Variants in ANKRD37 observed in about 807,000 individuals in gnomAD.
ANKRD37 encodes ankyrin repeat domain 37, also known as ankyrin repeat domain-containing protein 37.
Under a neutral mutation model 19.7 loss-of-function variants are expected in ANKRD37, and 17 were observed. The ratio of observed to expected loss-of-function variants is 0.86; its 90% confidence interval spans 0.59 to 1.29. The LOEUF (loss-of-function observed/expected upper bound fraction) is 1.29. Among genes scored for constraint, ANKRD37 ranks in the 50% most tolerant of loss-of-function variants. The probability of loss-of-function intolerance (pLI) is 0.00; values close to 1 mark genes in which losing one functional copy is unlikely to be tolerated. For missense variants in ANKRD37, 207 were observed against 190.4 expected (o/e 1.09, Z -0.51); for synonymous variants, 79 against 74.5 (o/e 1.06, Z -0.31).
In ANKRD37 at chr4:185,400,053, T is replaced by C. The variant is rs1273355626; in HGVS notation, c.*36T>C. 1 of 1,549,954 alleles carries C rather than the reference T, an allele frequency of 6.5e-7. No individual in the cohort carries two copies. The highest frequency in any genetic ancestry group is 8.8e-7 in the Non-Finnish European group (1 of 1,130,254). The stretch of plus-strand genomic sequence containing the variant: ...GTTATGAAGAAGTCTGAAGAACGCC[T>C]TCATTTCATGCAAATCTATAAGCTC... On this transcript the variant is annotated 3_prime_UTR_variant, in exon 5 of 5. Coordinates refer to ENST00000335174, the MANE Select transcript of ANKRD37 (RefSeq NM_181726.4).
chr4:185,396,843 G>A lies in ANKRD37; in HGVS notation c.-81G>A, dbSNP rs746896112. ...TTCTCCCGTGCTAGGGCCAGCCTGCGCATTCTTACCTGTCGGGGTGCGGCG... is the reference window on the plus strand; with the variant it reads ...TTCTCCCGTGCTAGGGCCAGCCTGCACATTCTTACCTGTCGGGGTGCGGCG... On this transcript the variant is annotated 5_prime_UTR_variant, in exon 1 of 5. Transcript: ENST00000335174. The A allele has an allele frequency of 2.7e-6, 4 of 1,463,732 alleles. 1 individual carries two copies. Among genetic ancestry groups the A allele is most frequent in the East Asian group, 2.3e-5 (1 of 44,214 alleles). The allele number at this position is 1,463,732 out of a possible 1,614,324, so 90.7% of individuals were successfully genotyped here. A position where few individuals can be genotyped will look rare whatever the true frequency, so the allele number is the denominator to read the frequency against.
chr4:185,399,607 G>A lies in ANKRD37; in HGVS notation c.310G>A (p.Ala104Thr), dbSNP rs375912914. ...NKNGQTAEDL[A>T]WSCGFPDCAK... The stretch of plus-strand genomic sequence containing the variant: ...GAACGGGCAAACAGCTGAAGATCTC[G>A]CTTGGTCATGTGGATTTCCAGACTG... Residue 104 changes from alanine to threonine, a missense_variant, in exon 4 of 5, where the codon GCT becomes ACT. Ala to Thr is a moderately conservative substitution (Grantham distance 58). Transcript: ENST00000335174. The A allele has an allele frequency of 2.5e-5, 40 of 1,614,134 alleles. No individual in the cohort carries two copies. In the East Asian group the frequency reaches 3.6e-4, roughly 14 times the overall value.
At chr4:185,399,907 G>GTT in intron 4 of ANKRD37, 110 bp from the exon 5 acceptor site, 2 of 1,543,442 alleles carry the variant, frequency 1.3e-6, no homozygotes, top group Non-Finnish European at 1.7e-6. Context: ...TTTAGTACTG[G>GTT]TTATACTTAC....
chr4:185,398,877 T>C, intron 2 of ANKRD37, 60 bp from the exon 3 acceptor site: 1 of 1,229,400 alleles, frequency 8.1e-7, no homozygotes, highest in South Asian at 1.2e-5. Flanking sequence ...TAAATGTCAC[T>C]CATCAACTTT....
intron 3 of ANKRD37, among the ~76,000 whole-genome samples, chr4:185,399,336 TA>T (rs2095510247): frequency 1.3e-5 from 2 of 152,206 alleles, no homozygotes; most frequent in Non-Finnish European, 2.9e-5. Flanking sequence ...TCATACACTG[TA>T]TTAAACATCA....
Position 185,397,294 on chromosome 4 carries a change from A to T in ANKRD37, c.172A>T (p.Asn58Tyr). 6.2e-7 allele frequency: 1 copy of T among 1,613,874 alleles called. No individual in the cohort carries two copies. Among genetic ancestry groups the T allele is most frequent in the Non-Finnish European group, 8.5e-7 (1 of 1,179,964 alleles). ...GCAGCTGCAAACGGGCGCTGACCTC[A>T]ACCAGCAGGTAACTAGGTAACTGTT... ...LWQLQTGADL[N>Y]QQDVLGEAPL... The change falls in exon 2 of 5, where the codon AAC becomes TAC. Residue 58 changes from asparagine (N) to tyrosine (Y), a missense_variant. Physicochemically the swap from Asn to Tyr is moderately radical, Grantham distance 143. Coordinates refer to ENST00000335174, the MANE Select transcript of ANKRD37 (RefSeq NM_181726.4).
chr4:185,399,851 A>G, intron 4 of ANKRD37, 78 bp downstream of exon 4: 1 of 1,582,192 alleles, frequency 6.3e-7, no homozygotes, highest in Non-Finnish European at 8.6e-7. Context: ...TCCATTTAAT[A>G]CTGACACTCG....
chr4:185,397,059 C>T, intron 1 of ANKRD37, 91 bp from the exon 2 acceptor site: 2 of 1,609,886 alleles, frequency 1.2e-6, no homozygotes, highest in Non-Finnish European at 1.7e-6. Context: ...CTGGTCAGAG[C>T]TGGTTGTGAA....
downstream of ANKRD37, chr4:185,400,391 T>G: frequency 6.2e-7 from 1 of 1,610,294 alleles, no homozygotes; most frequent in South Asian, 1.1e-5. Flanking sequence ...TCCAAGATAT[T>G]TTAAATCATA....
At chr4:185,399,106 G>A in intron 3 of ANKRD37, 78 bp downstream of exon 3, 1 of 1,225,094 alleles carries the variant, frequency 8.2e-7, no homozygotes, top group Non-Finnish European at 1.2e-6. Flanking sequence ...TTAGTTACAT[G>A]TGCTTTTAAA....
At chr4:185,398,880 T>C (rs2095509480) in intron 2 of ANKRD37, 57 bp from the exon 3 acceptor site, 2 of 1,326,970 alleles carry the variant, frequency 1.5e-6, no homozygotes, top group Admixed American at 1.8e-5. Context: ...ATGTCACTCA[T>C]CAACTTTCAC....
Position 185,398,917 on chromosome 4 carries a change from A to G in ANKRD37, c.181-20A>G. On this transcript the variant is annotated intron_variant, in intron 2 of 4. Transcript: ENST00000335174. Reference sequence around the variant, plus strand: ...AAAAGTGTTTTTGGGAGACTCTAAAATGCACCATCTTACCTTAAGGATGTT... The same window carrying G: ...AAAAGTGTTTTTGGGAGACTCTAAAGTGCACCATCTTACCTTAAGGATGTT... 3 of 1,607,148 alleles carry G rather than the reference A, an allele frequency of 1.9e-6. No homozygotes were observed. Among genetic ancestry groups the G allele is most frequent in the Non-Finnish European group, 2.6e-6 (3 of 1,174,510 alleles).
intron 2 of ANKRD37, chr4:185,397,567 G>A (rs974780673): frequency 6.8e-6 from 3 of 439,150 alleles, no homozygotes; most frequent in Non-Finnish European, 1.2e-5. Context: ...TGTCCAAAAT[G>A]TTATCAGTTC....
chr4:185,398,878 C>T, intron 2 of ANKRD37, 59 bp from the exon 3 acceptor site: 1 of 1,253,532 alleles, frequency 8.0e-7, no homozygotes, highest in East Asian at 2.4e-5. Context: ...AAATGTCACT[C>T]ATCAACTTTC....
chr4:185,398,792 G>GC (rs2095509232), intron 2 of ANKRD37, 145 bp from the exon 3 acceptor site: 1 of 425,560 alleles, frequency 2.3e-6, no homozygotes, highest in African/African-American at 2.9e-5. Context: ...GGTGTTCTCT[G>GC]CCAAAAAAAA....
intron 3 of ANKRD37, 96 bp downstream of exon 3, chr4:185,399,124 C>T (rs2095509856): frequency 3.0e-6 from 3 of 1,016,846 alleles, no homozygotes; most frequent in Middle Eastern, 2.1e-4. Context: ...AAAAATAATG[C>T]TTGCGTAATT....
chr4:185,400,211 CTT>C lies in ANKRD37; in HGVS notation c.*197_*198del, dbSNP rs990830673. Reference sequence around the variant, plus strand: ...AATATGCTGGTTGTGTATGCTTTGTCTTTTAAGTTATTAAAGGAACGTCTAAA... The same window carrying C: ...AATATGCTGGTTGTGTATGCTTTGTCTTAAGTTATTAAAGGAACGTCTAAA... On this transcript the variant is annotated 3_prime_UTR_variant, in exon 5 of 5. Transcript: ENST00000335174. The C allele has an allele frequency of 1.4e-4, 98 of 707,014 alleles. No homozygotes were observed. In the African/African-American group the frequency reaches 1.7e-3, roughly 12 times the overall value. The allele number at this position is 707,014 out of a possible 1,614,324, so 43.8% of individuals were successfully genotyped here.
chr4:185,397,114 G>A (rs1239977758), intron 1 of ANKRD37, 36 bp from the exon 2 acceptor site: 4 of 1,611,746 alleles, frequency 2.5e-6, no homozygotes, highest in Non-Finnish European at 8.5e-7. Context: ...ACTGGACAAA[G>A]GTGGGAAGGG....
chr4:185,400,252 GT>G, downstream of ANKRD37: 1 of 749,412 alleles, frequency 1.3e-6, no homozygotes, highest in Non-Finnish European at 2.1e-6. Context: ...TACATTCTCC[GT>G]GCAGTATTTA....
Sources: gnomAD v4.1 joint callset for allele counts (sites outside exome capture counted in the v4.1 genomes callset) on GRCh38, gnomAD v4.1.1 for gene constraint, MANE v1.5 for transcripts, NCBI Gene and HGNC (gene_info 2026-07-23, HGNC 2026-07-21) for gene names.